The following ARRB1 variants were observed in gnomAD, a reference collection of about 807,000 sequenced individuals.
The protein encoded by ARRB1 is beta-arrestin-1.
ARRB1 carries 21 observed loss-of-function variants against 56.8 expected under a neutral mutation model. That is an observed-to-expected ratio of 0.37 (90% CI 0.26 to 0.53). The LOEUF (loss-of-function observed/expected upper bound fraction) is 0.53, where lower values mean the gene tolerates loss of function less well. Ranked by LOEUF, ARRB1 falls within the 20% of genes least tolerant of loss-of-function variation. The pLI is 0.88. For missense variants in ARRB1, 424 were observed against 553.7 expected (o/e 0.77, Z 2.35); for synonymous variants, 210 against 218.6 (o/e 0.96, Z 0.35).
intron 1 of ARRB1, among the ~76,000 whole-genome samples, chr11:75,308,556 C>T (rs939269748): frequency 1.3e-5 from 2 of 152,110 alleles, no homozygotes; most frequent in African/African-American, 2.4e-5. Flanking sequence ...CCAGCCTGGC[C>T]AACATGGTGA....
At chr11:75,277,326 T>C (rs1326817800) in intron 9 of ARRB1, 38 bp downstream of exon 9, 12 of 1,592,824 alleles carry the variant, frequency 7.5e-6, no homozygotes, top group Non-Finnish European at 9.5e-6. Flanking sequence ...GAAGATTGCC[T>C]CTCGCTGTCC....
chr11:75,329,397 C>G (rs184950148), intron 1 of ARRB1, among the ~76,000 whole-genome samples: 3 of 152,136 alleles, frequency 2.0e-5, no homozygotes, highest in South Asian at 2.1e-4. Context: ...AGCCACTGAA[C>G]CTTGCTGCTG....
intron 1 of ARRB1, among the ~76,000 whole-genome samples, chr11:75,343,998 G>A (rs1947730867): frequency 6.6e-6 from 1 of 152,054 alleles, no homozygotes; most frequent in South Asian, 2.1e-4. Context: ...CATATTTTTA[G>A]TAGAGACAAG....
intron 14 of ARRB1, among the ~76,000 whole-genome samples, chr11:75,268,643 G>T (rs561010418): frequency 7.2e-5 from 11 of 152,086 alleles, no homozygotes; most frequent in Non-Finnish European, 1.5e-4. Flanking sequence ...CAAGATAGAG[G>T]CTCAAAGCAT....
chr11:75,323,529 A>T (rs1409466544), intron 1 of ARRB1, among the ~76,000 whole-genome samples: 3 of 152,216 alleles, frequency 2.0e-5, no homozygotes, highest in Non-Finnish European at 2.9e-5. Flanking sequence ...CTGAGGCATG[A>T]GAATTGCTTG....
Position 75,264,588 on chromosome 11 carries a change from G to A in ARRB1, c.*1575C>T, listed in dbSNP as rs1173580161. The A allele has an allele frequency of 6.6e-6, 1 of 152,214 alleles. No homozygotes were observed. Among genetic ancestry groups the A allele is most frequent in the Non-Finnish European group, 1.5e-5 (1 of 68,084 alleles). 9.4% of individuals were successfully genotyped at this position (152,214 alleles called of 1,614,324 possible). A position where few individuals can be genotyped will look rare whatever the true frequency, so the allele number is the denominator to read the frequency against. On this transcript the variant is annotated 3_prime_UTR_variant, in exon 16 of 16. Transcript: ENST00000420843. ...TGGGCACAGGGTGGGGTTGAGGGCA[G>A]TTGGTGCTCCATAGGGCCCTGCCAC...
intron 1 of ARRB1, among the ~76,000 whole-genome samples, chr11:75,323,450 T>A (rs1221045755): frequency 6.6e-6 from 1 of 151,916 alleles, no homozygotes; most frequent in Non-Finnish European, 1.5e-5. Context: ...AAAATCCTCA[T>A]CTCTACTAAA....
chr11:75,335,181 G>T, intron 1 of ARRB1: 1 of 243,012 alleles, frequency 4.1e-6, no homozygotes, highest in Non-Finnish European at 9.6e-6. Context: ...CCAACAGACA[G>T]ATGAGGCTCC....
chr11:75,331,892 G>A (rs1309473242), intron 1 of ARRB1, among the ~76,000 whole-genome samples: 2 of 152,026 alleles, frequency 1.3e-5, no homozygotes, highest in Non-Finnish European at 2.9e-5. Context: ...GCTCAAGCCC[G>A]CAGGTATACA....
At position 75,262,861 on chromosome 11, in the gene ARRB1, T is replaced by G. The variant is rs1393431175; in HGVS notation, c.*3302A>C. On this transcript the variant is annotated 3_prime_UTR_variant, in exon 16 of 16. Coordinates refer to ENST00000420843, the MANE Select transcript of ARRB1 (RefSeq NM_004041.5). ...CTCTCCCACAGAACCAACAGCCAGG[T>G]GAACCCACTCTAGCAGGTCTGAGCT... Among the ~76,000 whole-genome samples the G allele has an allele frequency of 6.6e-6, 1 of 152,160 alleles. No individual in the cohort carries two copies. The highest frequency in any genetic ancestry group is 2.4e-5 in the African/African-American group (1 of 41,420).
chr11:75,293,057 A>G (rs945216014), intron 1 of ARRB1, among the ~76,000 whole-genome samples: 1 of 151,842 alleles, frequency 6.6e-6, no homozygotes, highest in African/African-American at 2.4e-5. Flanking sequence ...AAATGAGGAG[A>G]GGAGAGGGGC....
intron 1 of ARRB1, 149 bp downstream of exon 1, chr11:75,351,439 C>T: frequency 7.9e-7 from 1 of 1,263,326 alleles, no homozygotes; most frequent in Non-Finnish European, 1.0e-6. Context: ...GCCGGGGAGA[C>T]CACACAGGAG....
intron 15 of ARRB1, among the ~76,000 whole-genome samples, chr11:75,267,156 G>A (rs757030984): frequency 2.6e-5 from 4 of 152,208 alleles, no homozygotes; most frequent in Non-Finnish European, 4.4e-5. Flanking sequence ...ACCTGGAGGC[G>A]GTCCGCGCAG....
intron 12 of ARRB1, among the ~76,000 whole-genome samples, chr11:75,272,283 AGTTT>A (rs767373453): frequency 8.5e-5 from 13 of 152,222 alleles, no homozygotes; most frequent in East Asian, 1.9e-4. Flanking sequence ...GAAACACAGT[AGTTT>A]GTTTGTTTGT....
intron 15 of ARRB1, among the ~76,000 whole-genome samples, chr11:75,266,794 C>A (rs1411042722): frequency 1.3e-5 from 2 of 152,148 alleles, no homozygotes; most frequent in Non-Finnish European, 1.5e-5. Context: ...CCATGAAGAA[C>A]CTTTCTCCCA....
chr11:75,273,056 G>A, intron 11 of ARRB1, 78 bp from the exon 12 acceptor site: 1 of 1,252,306 alleles, frequency 8.0e-7, no homozygotes, highest in Non-Finnish European at 1.1e-6. Context: ...TATGCTGGGG[G>A]GCAGTGGCCG....
intron 1 of ARRB1, among the ~76,000 whole-genome samples, chr11:75,326,027 T>C (rs1304786585): frequency 6.6e-6 from 1 of 152,192 alleles, no homozygotes; most frequent in Non-Finnish European, 1.5e-5. Context: ...CCTAGGATCT[T>C]TCCTAAGGTC....
At chr11:75,273,026 C>A (rs773128333) in intron 11 of ARRB1, 48 bp from the exon 12 acceptor site, 1 of 1,556,434 alleles carries the variant, frequency 6.4e-7, no homozygotes, top group African/African-American at 1.4e-5. Flanking sequence ...GCCAGGTGGG[C>A]GAGACACCTC....
chr11:75,278,122 A>G (rs1946241213), intron 8 of ARRB1, among the ~76,000 whole-genome samples: 1 of 152,092 alleles, frequency 6.6e-6, no homozygotes, highest in African/African-American at 2.4e-5. Flanking sequence ...CCCGAGAGAG[A>G]GGGGGTGCCC....
Sources: gnomAD v4.1 joint callset for allele counts (sites outside exome capture counted in the v4.1 genomes callset) on GRCh38, gnomAD v4.1.1 for gene constraint, MANE v1.5 for transcripts, NCBI Gene and HGNC (gene_info 2026-07-23, HGNC 2026-07-21) for gene names.